PDE8A: variants seen among roughly 807,000 people sequenced by gnomAD.
PDE8A encodes high affinity cAMP-specific and IBMX-insensitive 3',5'-cyclic phosphodiesterase 8A.
In PDE8A, 59 loss-of-function variants were observed where a neutral mutation model predicts 105.0. The ratio of observed to expected loss-of-function variants is 0.56; its 90% CI spans 0.46 to 0.70. The LOEUF is 0.70. PDE8A is among the 30% of genes least tolerant of loss of function. PDE8A has a pLI of 0.00. For synonymous variants in PDE8A, 355 were observed against 371.9 expected (o/e 0.95, Z 0.52); for missense variants, 1,014 against 1,045.9 (o/e 0.97, Z 0.42).
At chr15:85,000,873 C>T (rs994527708) in intron 1 of PDE8A, among the ~76,000 whole-genome samples, 3 of 152,162 alleles carry the variant, frequency 2.0e-5, no homozygotes, top group African/African-American at 7.2e-5. Flanking sequence ...CCACCTTATC[C>T]ATTCTTCTGA....
Position 84,982,252 on chromosome 15 carries a change from G to A in PDE8A, c.90G>A (p.Gly30=). The change falls in exon 1 of 22, where the codon GGG becomes GGA. Residue 30 remains glycine (G), a synonymous_variant. Coordinates refer to ENST00000394553, the MANE Select transcript of PDE8A (RefSeq NM_002605.3). ...CGGCACCGCCGCTGTCGTCCGGCGG[G>A]CCGCGCCTCCCGCAGGGCCAGAAGA... ...SPAAPPLSSG[G]PRLPQGQKTA... 2 of 1,458,094 alleles carry A rather than the reference G, an allele frequency of 1.4e-6. No individual in the cohort carries two copies. The highest frequency in any genetic ancestry group is 3.0e-5 in the East Asian group (1 of 33,628). The allele number at this position is 1,458,094 out of a possible 1,614,324, so 90.3% of individuals were successfully genotyped here.
chr15:85,113,434 C>T lies in PDE8A; in HGVS notation c.1172C>T (p.Ala391Val), dbSNP rs2141600577. 9 of 1,613,804 alleles carry T rather than the reference C, an allele frequency of 5.6e-6. No individual in the cohort carries two copies. Among genetic ancestry groups the T allele is most frequent in the African/African-American group, 1.3e-5 (1 of 75,032 alleles). Reference sequence around the variant, plus strand: ...CGGATACATTCCATGACAATTGAGGCGCCCATCACCAAGGTGAAGCAGTTT... The same window carrying T: ...CGGATACATTCCATGACAATTGAGGTGCCCATCACCAAGGTGAAGCAGTTT... Reference protein sequence around the residue: ...MARIHSMTIEAPITKVINIIN... With the variant: ...MARIHSMTIEVPITKVINIIN... The change falls in exon 13 of 22, where the codon GCG (alanine) becomes GTG (valine). Residue 391 changes from alanine to valine, a missense_variant. Transcript: ENST00000394553.
intron 3 of PDE8A, among the ~76,000 whole-genome samples, chr15:85,068,586 T>TA (rs34743976): frequency 0.21 from 31,500 of 152,130 alleles, 4,299 homozygotes; most frequent in Middle Eastern, 0.33. Flanking sequence ...ATTGAATAGA[T>TA]ACCACTCAGA....
At chr15:85,071,163 G>T (rs2081304965) in intron 3 of PDE8A, among the ~76,000 whole-genome samples, 1 of 152,202 alleles carries the variant, frequency 6.6e-6, no homozygotes, top group Non-Finnish European at 1.5e-5. Flanking sequence ...TTTCTGAACT[G>T]TGCCTCAAGC....
chr15:85,016,180 T>C (rs1239058706), intron 1 of PDE8A, among the ~76,000 whole-genome samples: 1 of 152,188 alleles, frequency 6.6e-6, no homozygotes, highest in East Asian at 1.9e-4. Context: ...TGACTTGTCA[T>C]TGCAAATTTA....
chr15:85,030,940 CCTT>C (rs1387011401), intron 1 of PDE8A, among the ~76,000 whole-genome samples: 1 of 152,138 alleles, frequency 6.6e-6, no homozygotes, highest in Non-Finnish European at 1.5e-5. Flanking sequence ...ATTTTTATAT[CCTT>C]CTATATTTAG....
intron 8 of PDE8A, among the ~76,000 whole-genome samples, chr15:85,097,090 G>A (rs905417240): frequency 2.0e-5 from 3 of 152,200 alleles, no homozygotes; most frequent in African/African-American, 4.8e-5. Context: ...GACTCTGGAA[G>A]GCTAAGAAAG....
At position 85,042,488 on chromosome 15, in the gene PDE8A, G is replaced by A. The variant is rs191909854; in HGVS notation, c.187-21882G>A. 9.6e-4 allele frequency among the ~76,000 whole-genome samples: 146 copies of A among 152,318 alleles called. 1 individual carries two copies. Among genetic ancestry groups the A allele is most frequent in the African/African-American group, 3.4e-3 (141 of 41,572 alleles). ...GATGGTTTTAACAGTACAGCCTCAGGTTGAGGACAGCATTCAGAAGGTCCG... is the reference window on the plus strand; with the variant it reads ...GATGGTTTTAACAGTACAGCCTCAGATTGAGGACAGCATTCAGAAGGTCCG... On this transcript the variant is annotated intron_variant, in intron 1 of 21. Coordinates refer to ENST00000394553, the MANE Select transcript of PDE8A (RefSeq NM_002605.3).
intron 12 of PDE8A, 120 bp downstream of exon 12, chr15:85,109,250 C>A: frequency 1.8e-6 from 1 of 562,858 alleles, no homozygotes. Context: ...GGAGGGAACC[C>A]TCTGGAAACT....
Position 85,076,791 on chromosome 15 carries a change from T to C in PDE8A, c.546+4T>C. 6.6e-7 allele frequency: 1 copy of C among 1,518,612 alleles called. No individual in the cohort carries two copies. The highest frequency in any genetic ancestry group is 1.1e-5 in the South Asian group (1 of 89,160). 94.1% of individuals were successfully genotyped at this position (1,518,612 alleles called of 1,614,324 possible). On this transcript the variant is annotated splice_donor_region_variant and intron_variant, in intron 5 of 21. Transcript: ENST00000394553. ...CATTTCTGCTGGATTTACAAGGGTA[T>C]GTACTCACTTATTTGTTATACAAGT...
intron 1 of PDE8A, among the ~76,000 whole-genome samples, chr15:85,026,623 A>G (rs142608575): frequency 1.1e-3 from 169 of 152,258 alleles, no homozygotes; most frequent in African/African-American, 3.6e-3. Flanking sequence ...CCATCTCTCA[A>G]TGGGTAGAGA....
chr15:85,089,430 GA>G lies in PDE8A; in HGVS notation c.714+17del. The G allele has an allele frequency of 2.1e-6, 3 of 1,436,622 alleles. No homozygotes were observed. 89.0% of individuals were successfully genotyped at this position (1,436,622 alleles called of 1,614,324 possible). ...CGTTTTATACAGGTTTGTTATTTTGGAAATCTGTCTTTCTGGATTTCTTGTT... is the reference window on the plus strand; with the variant it reads ...CGTTTTATACAGGTTTGTTATTTTGGAATCTGTCTTTCTGGATTTCTTGTT... On this transcript the variant is annotated intron_variant, in intron 7 of 21. Transcript: ENST00000394553.
Position 85,121,516 on chromosome 15 carries a change from C to T in PDE8A, c.1952+502C>T, listed in dbSNP as rs151188752. Reference sequence around the variant, plus strand: ...TTAATAATTACTTTTTAATTATTTGCGTAATGTCTGATTAGATTCTTAAGC... The same window carrying T: ...TTAATAATTACTTTTTAATTATTTGTGTAATGTCTGATTAGATTCTTAAGC... On this transcript the variant is annotated intron_variant, in intron 18 of 21. Transcript: ENST00000394553. Among the ~76,000 whole-genome samples the T allele has an allele frequency of 3.2e-3, 493 of 152,108 alleles. 3 individuals carry two copies. Among genetic ancestry groups the T allele is most frequent in the African/African-American group, 0.011 (447 of 41,506 alleles).
chr15:84,996,234 G>T (rs1431266780), intron 1 of PDE8A, among the ~76,000 whole-genome samples: 1 of 151,802 alleles, frequency 6.6e-6, no homozygotes, highest in Non-Finnish European at 1.5e-5. Context: ...GCCCAGGCTG[G>T]AGTGCAGTGG....
intron 1 of PDE8A, chr15:85,062,835 T>C (rs1253617046): frequency 1.3e-5 from 2 of 152,266 alleles, no homozygotes; most frequent in African/African-American, 4.8e-5. Context: ...CAATATTGTC[T>C]AGGTGGGGAA....
intron 1 of PDE8A, among the ~76,000 whole-genome samples, chr15:85,056,753 G>A (rs1434583611): frequency 5.9e-5 from 9 of 152,178 alleles, no homozygotes; most frequent in African/African-American, 1.9e-4. Context: ...AGTGGGTTCA[G>A]ACATCCTCCT....
At chr15:85,038,706 T>C (rs1002799898) in intron 1 of PDE8A, among the ~76,000 whole-genome samples, 1 of 152,178 alleles carries the variant, frequency 6.6e-6, no homozygotes, top group African/African-American at 2.4e-5. Context: ...TCTCAGAAGA[T>C]ATACAGATGG....
chr15:84,996,578 A>C lies in PDE8A; in HGVS notation c.186+14230A>C, dbSNP rs898584804. Among the ~76,000 whole-genome samples, 3 of 152,102 alleles carry C rather than the reference A, an allele frequency of 2.0e-5. No homozygotes were observed. In the East Asian group the frequency reaches 5.8e-4, roughly 29 times the overall value. On this transcript the variant is annotated intron_variant, in intron 1 of 21. Coordinates refer to ENST00000394553, the MANE Select transcript of PDE8A (RefSeq NM_002605.3). ...GGTGGCTCATGCCTGTAATCCCAGC[A>C]CTTTGGGCGGCTGAGGCGGGCAAAC...
At chr15:85,118,351 C>T (rs1289268026) in intron 17 of PDE8A, among the ~76,000 whole-genome samples, 1 of 152,112 alleles carries the variant, frequency 6.6e-6, no homozygotes, top group East Asian at 1.9e-4. Context: ...TCCTCAACCC[C>T]CCACATCTGG....
Sources: gnomAD v4.1 joint callset for allele counts (sites outside exome capture counted in the v4.1 genomes callset) on GRCh38, gnomAD v4.1.1 for gene constraint, MANE v1.5 for transcripts, NCBI Gene and HGNC (gene_info 2026-07-23, HGNC 2026-07-21) for gene names.